The following DERA variants were observed in gnomAD, a reference collection of about 807,000 sequenced individuals.
DERA encodes 2-deoxy-D-ribose 5-phosphate aldolase.
Under a neutral mutation model 41.1 loss-of-function variants are expected in DERA, and 15 were observed. The observed-to-expected ratio is 0.37, with a 90% CI of 0.24 to 0.56. The LOEUF is 0.56. DERA is among the 20% of genes least tolerant of loss of function. The probability of loss-of-function intolerance (pLI) is 0.81; values close to 1 mark genes in which losing one functional copy is unlikely to be tolerated. For synonymous variants in DERA, 139 were observed against 137.4 expected (o/e 1.01, Z -0.08); for missense variants, 396 against 403.4 (o/e 0.98, Z 0.16).
chr12:15,963,129 A>G (rs1485030575), intron 5 of DERA, among the ~76,000 whole-genome samples, 182 bp downstream of exon 5: 2 of 152,238 alleles, frequency 1.3e-5, no homozygotes, highest in African/African-American at 4.8e-5. Flanking sequence ...AAATCTAGGC[A>G]GTTGCCTACC....
At chr12:15,952,424 C>CCTGTA (rs1245039922) in intron 1 of DERA, among the ~76,000 whole-genome samples, 4 of 152,090 alleles carry the variant, frequency 2.6e-5, no homozygotes, top group African/African-American at 9.7e-5. Context: ...GTTTGGAGAT[C>CCTGTA]TTCTCTGACT....
rs539597265 is a variant in DERA, at chr12:16,021,668, C to G, written c.638-10874C>G. On this transcript the variant is annotated intron_variant, in intron 6 of 8. Coordinates refer to ENST00000428559, the MANE Select transcript of DERA (RefSeq NM_015954.4). The surrounding 1 kb of genome is among the most constrained non-coding windows in gnomAD (Gnocchi z 5.3). ...TTTCCAAGGACTTAGGAGCCCACCT[C>G]TTTCACCAGTGTGCCCTGGATGCAG... Among the ~76,000 whole-genome samples the G allele has an allele frequency of 7.2e-5, 11 of 152,344 alleles. No homozygotes were observed. The East Asian group carries it at 1.5e-3, about 21-fold the overall frequency.
chr12:15,923,320 C>T (rs111304855), intron 1 of DERA, among the ~76,000 whole-genome samples: 5,963 of 152,234 alleles, frequency 0.039, 390 homozygotes, highest in African/African-American at 0.14. Context: ...CCGCGCCCGG[C>T]CTGTTTTTGC....
chr12:16,002,334 C>G (rs1190599532), intron 6 of DERA, among the ~76,000 whole-genome samples: 1 of 141,958 alleles, frequency 7.0e-6, no homozygotes, highest in Non-Finnish European at 1.6e-5. Context: ...TAGGAGCCAA[C>G]GTATATAACC....
intron 1 of DERA, among the ~76,000 whole-genome samples, chr12:15,929,429 G>A (rs118109079): frequency 8.7e-4 from 132 of 152,248 alleles, no homozygotes; most frequent in Non-Finnish European, 1.4e-3. Flanking sequence ...GACAGTGTTG[G>A]CAATCACTGT....
At chr12:15,960,651 A>AAAC (rs1329563760) in intron 4 of DERA, among the ~76,000 whole-genome samples, 2 of 151,228 alleles carry the variant, frequency 1.3e-5, no homozygotes, top group Admixed American at 6.6e-5. Context: ...AAAAAAAAAA[A>AAAC]AAAAAAAAAA....
At chr12:16,032,910 C>T (rs556849778) in intron 7 of DERA, 64 of 353,008 alleles carry the variant, frequency 1.8e-4, no homozygotes, top group African/African-American at 4.6e-4. Context: ...TTTTGTTAAC[C>T]GAAGACAATT....
intron 1 of DERA, among the ~76,000 whole-genome samples, chr12:15,926,179 C>A (rs1335285216): frequency 6.6e-6 from 1 of 151,876 alleles, no homozygotes; most frequent in Non-Finnish European, 1.5e-5. Context: ...TACTGCTCTT[C>A]TTTTCTGAGG....
rs1009322505 is a variant in DERA, at chr12:15,965,357, G to A, written c.508+2410G>A. 6.6e-6 allele frequency among the ~76,000 whole-genome samples: 1 copy of A among 152,078 alleles called. No individual in the cohort carries two copies. Among genetic ancestry groups the A allele is most frequent in the African/African-American group, 2.4e-5 (1 of 41,416 alleles). Reference sequence around the variant, plus strand: ...GTGCAGGTTTGTTGCATAGGTAAACGTGTGCCATGGTGGTTTGCTGCACCT... The same window carrying A: ...GTGCAGGTTTGTTGCATAGGTAAACATGTGCCATGGTGGTTTGCTGCACCT... On this transcript the variant is annotated intron_variant, in intron 5 of 8. Transcript: ENST00000428559. The surrounding 1 kb of genome is among the most constrained non-coding windows in gnomAD (Gnocchi z 4.1).
rs1040071317 is a variant in DERA, at chr12:15,982,703, C to T, written c.637+267C>T. Among the ~76,000 whole-genome samples the T allele has an allele frequency of 4.6e-5, 7 of 152,012 alleles. No individual in the cohort carries two copies. Among genetic ancestry groups the T allele is most frequent in the African/African-American group, 1.4e-4 (6 of 41,386 alleles). Reference sequence around the variant, plus strand: ...AGATGGCTCTCTTGTTAGTGAATTGCCTTCTGTTTTATTCTTTGATTATTC... The same window carrying T: ...AGATGGCTCTCTTGTTAGTGAATTGTCTTCTGTTTTATTCTTTGATTATTC... On this transcript the variant is annotated intron_variant, in intron 6 of 8. Coordinates refer to ENST00000428559, the MANE Select transcript of DERA (RefSeq NM_015954.4). This position sits in a 1 kb window ranked among gnomAD's most constrained non-coding sequence, Gnocchi z 4.0.
intron 6 of DERA, among the ~76,000 whole-genome samples, chr12:16,023,471 G>GTTTTT: frequency 7.4e-6 from 1 of 134,744 alleles, no homozygotes; most frequent in African/African-American, 3.1e-5. Flanking sequence ...AAAACTCAAA[G>GTTTTT]TCTTTTTTTT....
chr12:16,027,753 C>G (rs750117081), intron 6 of DERA, among the ~76,000 whole-genome samples: 1 of 152,098 alleles, frequency 6.6e-6, no homozygotes, highest in African/African-American at 2.4e-5. Flanking sequence ...TCCCTTGTTA[C>G]AACAACAATA....
chr12:15,997,925 G>C (rs1354963170), intron 6 of DERA, among the ~76,000 whole-genome samples: 1 of 152,166 alleles, frequency 6.6e-6, no homozygotes, highest in Admixed American at 6.5e-5. Context: ...TAAATGCTTA[G>C]AAAACTATAA....
At chr12:15,937,187 C>T (rs1640221571) in intron 1 of DERA, among the ~76,000 whole-genome samples, 1 of 152,136 alleles carries the variant, frequency 6.6e-6, no homozygotes, top group African/African-American at 2.4e-5. Context: ...AACTCCTGGG[C>T]TCTAGCGATC....
intron 5 of DERA, among the ~76,000 whole-genome samples, chr12:15,978,050 C>T (rs982157151): frequency 6.6e-6 from 1 of 152,196 alleles, no homozygotes; most frequent in African/African-American, 2.4e-5. Flanking sequence ...AAAACCTGCT[C>T]ATTCGTTTTT....
At chr12:15,978,083 TGAAAG>T (rs150776615) in intron 5 of DERA, among the ~76,000 whole-genome samples, 32 of 152,296 alleles carry the variant, frequency 2.1e-4, no homozygotes, top group African/African-American at 7.2e-4. Flanking sequence ...TTATTTGTAT[TGAAAG>T]GAAAGTGTCA....
rs1295595666 is a variant in DERA at position 15,922,875 on chromosome 12, T to G, written c.31+11461T>G. Among the ~76,000 whole-genome samples the G allele has an allele frequency of 6.6e-6, 1 of 152,072 alleles. No homozygotes were observed. Among genetic ancestry groups the G allele is most frequent in the Admixed American group, 6.6e-5 (1 of 15,266 alleles). On this transcript the variant is annotated intron_variant, in intron 1 of 8. Transcript: ENST00000428559. The surrounding 1 kb of genome is among the most constrained non-coding windows in gnomAD (Gnocchi z 4.9). ...ATGTAGGTTCATCAGTTGTAAGGTT[T>G]ATACCACTCTGGTGGGGGATGTTGA...
chr12:15,930,005 T>C (rs1286840295), intron 1 of DERA, among the ~76,000 whole-genome samples: 1 of 152,172 alleles, frequency 6.6e-6, no homozygotes, highest in Non-Finnish European at 1.5e-5. Flanking sequence ...TTTTTGAGTT[T>C]TGTAAGTAAA....
chr12:15,911,498 G>T lies in DERA; in HGVS notation c.31+84G>T. Reference sequence around the variant, plus strand: ...AGCGCGGGGCCTGCTGCCGCCCAGTGCCCTGGCTGTGGGTCCCCGAGGGGT... The same window carrying T: ...AGCGCGGGGCCTGCTGCCGCCCAGTTCCCTGGCTGTGGGTCCCCGAGGGGT... On this transcript the variant is annotated intron_variant, in intron 1 of 8. Coordinates refer to ENST00000428559, the MANE Select transcript of DERA (RefSeq NM_015954.4). The surrounding 1 kb of genome is among the most constrained non-coding windows in gnomAD (Gnocchi z 4.5). The T allele has an allele frequency of 7.6e-7, 1 of 1,317,708 alleles. No homozygotes were observed. The highest frequency in any genetic ancestry group is 1.0e-6 in the Non-Finnish European group (1 of 995,470). The allele number at this position is 1,317,708 out of a possible 1,614,324, so 81.6% of individuals were successfully genotyped here.
Sources: gnomAD v4.1 joint callset for allele counts (sites outside exome capture counted in the v4.1 genomes callset) on GRCh38, gnomAD v4.1.1 for gene constraint, Gnocchi (gnomAD v3.1) non-coding constraint, MANE v1.5 for transcripts, NCBI Gene and HGNC (gene_info 2026-07-23, HGNC 2026-07-21) for gene names.